Variants in B9D1 observed in about 807,000 individuals in gnomAD.
The protein encoded by B9D1 is B9 domain containing 1.
In B9D1, 20 loss-of-function variants were observed where a neutral mutation model predicts 26.1. That is an observed-to-expected ratio of 0.77 (90% confidence interval 0.54 to 1.12). The LOEUF is 1.12. Ranked by LOEUF, B9D1 falls within the 50% of genes most tolerant of loss-of-function variation. The pLI, the probability that B9D1 is intolerant of heterozygous loss-of-function variation, is 0.00. For missense variants in B9D1, 260 were observed against 273.7 expected, an observed-to-expected ratio of 0.95 and a Z score of 0.35; for synonymous variants, 105 against 103.1, an observed-to-expected ratio of 1.02 and a Z score of -0.11.
chr17:19,361,411 C>CAT (rs1017897232), intron 1 of B9D1, among the ~76,000 whole-genome samples: 2 of 152,086 alleles, frequency 1.3e-5, no homozygotes, highest in African/African-American at 4.8e-5. Flanking sequence ...AGGAAGCCAT[C>CAT]ATATGCAAGG....
downstream of B9D1, chr17:19,341,387 C>T (rs995522497): frequency 4.3e-6 from 5 of 1,157,484 alleles, no homozygotes; most frequent in South Asian, 4.4e-5. Flanking sequence ...TGCTCTGTGT[C>T]GTCCCATGAC....
chr17:19,343,131 G>C (rs140933644), downstream of B9D1: 86 of 1,430,658 alleles, frequency 6.0e-5, no homozygotes, highest in East Asian at 5.0e-5. Context: ...CAGCTCCTGT[G>C]GGGGAGGGGC....
At chr17:19,367,134 G>A (rs3886478), upstream of B9D1, among the ~76,000 whole-genome samples, 126,664 of 151,946 alleles carry the variant, frequency 0.83, 53,826 homozygotes, top group Non-Finnish European at 0.93. Flanking sequence ...TGCCAGTGAC[G>A]GTAGATAAAG....
chr17:19,340,661 G>A (rs536394273), downstream of B9D1, among the ~76,000 whole-genome samples: 1 of 151,504 alleles, frequency 6.6e-6, no homozygotes, highest in East Asian at 2.0e-4. Context: ...AGTGGCAGGT[G>A]CCTGTAATTT....
intron 1 of B9D1, among the ~76,000 whole-genome samples, chr17:19,369,379 G>A (rs889817829): frequency 1.3e-5 from 2 of 152,182 alleles, no homozygotes; most frequent in Admixed American, 6.5e-5. Context: ...GGTAGCTTGC[G>A]ATCAGCCACG....
At chr17:19,377,027 G>A (rs1006214471) in intron 1 of B9D1, among the ~76,000 whole-genome samples, 2 of 152,186 alleles carry the variant, frequency 1.3e-5, no homozygotes, top group Middle Eastern at 3.2e-3. Flanking sequence ...CCCCAAAGGA[G>A]ACAAATGGCC....
chr17:19,373,897 C>T (rs1408327692), intron 1 of B9D1, among the ~76,000 whole-genome samples: 3 of 152,170 alleles, frequency 2.0e-5, no homozygotes, highest in Non-Finnish European at 4.4e-5. Flanking sequence ...CCAGAAATAC[C>T]TTTCAGGAAG....
intron 5 of B9D1, chr17:19,344,524 C>A: frequency 3.7e-6 from 1 of 272,396 alleles, no homozygotes; most frequent in Non-Finnish European, 7.7e-6. Flanking sequence ...CACACCCACG[C>A]GAGCCGGAAA....
chr17:19,377,703 A>C, intron 1 of B9D1: 1 of 318,728 alleles, frequency 3.1e-6, no homozygotes, highest in Non-Finnish European at 4.5e-6. Flanking sequence ...AAACTATCGG[A>C]TTTTGGGGTG....
intron 3 of B9D1, among the ~76,000 whole-genome samples, chr17:19,355,758 C>A (rs1567898093): frequency 6.6e-6 from 1 of 152,000 alleles, no homozygotes; most frequent in African/African-American, 2.4e-5. Context: ...GGCATGAACC[C>A]AGGAGGCAGA....
At position 19,349,096 on chromosome 17, in the gene B9D1, G is replaced by A. The variant is rs1158105133; in HGVS notation, c.245-1216C>T. On this transcript the variant is annotated intron_variant, in intron 3 of 6. Transcript: ENST00000261499. ...AAGGTAACACCAAGCTGCCAGCATG[G>A]TCCTATCAGCCAGCACTCCCCCAGC... Among the ~76,000 whole-genome samples, 6 of 152,138 alleles carry A rather than the reference G, an allele frequency of 3.9e-5. No individual in the cohort carries two copies. In the East Asian group the frequency reaches 9.6e-4, roughly 24 times the overall value.
At position 19,372,955 on chromosome 17, in the gene B9D1, A is replaced by G. The variant is rs1224614860; in HGVS notation, c.-298+4904T>C. Among the ~76,000 whole-genome samples, 2 of 152,048 alleles carry G rather than the reference A, an allele frequency of 1.3e-5. No individual in the cohort carries two copies. Among genetic ancestry groups the G allele is most frequent in the African/African-American group, 4.8e-5 (2 of 41,390 alleles). On this transcript the variant is annotated intron_variant, in intron 1 of 5. Coordinates refer to the B9D1 transcript ENST00000477478. This position sits in a 1 kb window ranked among gnomAD's most constrained non-coding sequence, Gnocchi z 4.4. ...ACCCACGTCCATCCACCTTCCTGAA[A>G]ACTCAGGTTTCCTGTGGGGAAATGG...
intron 1 of B9D1, among the ~76,000 whole-genome samples, chr17:19,375,697 G>A (rs553062965): frequency 1.2e-3 from 178 of 152,294 alleles, no homozygotes; most frequent in Non-Finnish European, 2.1e-4. Flanking sequence ...AGCCGAGATC[G>A]TGCCAGTGCA....
rs1247608563 is a variant in B9D1 at position 19,347,211 on chromosome 17, G to A, written c.404+58C>T. Reference sequence around the variant, plus strand: ...CCAGGCACAAACTGAGGGGTAGAATGGGACATCCATTCATCCAGTAGATCA... The same window carrying A: ...CCAGGCACAAACTGAGGGGTAGAATAGGACATCCATTCATCCAGTAGATCA... On this transcript the variant is annotated intron_variant, in intron 5 of 6. Transcript: ENST00000261499. The surrounding 1 kb of genome is among the most constrained non-coding windows in gnomAD (Gnocchi z 4.3). 6 of 1,614,208 alleles carry A rather than the reference G, an allele frequency of 3.7e-6. No homozygotes were observed. Among genetic ancestry groups the A allele is most frequent in the Non-Finnish European group, 4.2e-6 (5 of 1,180,020 alleles).
At chr17:19,364,146 C>T (rs181806045), upstream of B9D1, among the ~76,000 whole-genome samples, 21 of 152,298 alleles carry the variant, frequency 1.4e-4, no homozygotes, top group Admixed American at 1.1e-3. This position sits in a 1 kb window ranked among gnomAD's most constrained non-coding sequence, Gnocchi z 4.3. Context: ...TTGTAGTTAT[C>T]GAATAACTGG....
chr17:19,350,658 T>G (rs1598065099), intron 3 of B9D1, among the ~76,000 whole-genome samples: 1 of 151,946 alleles, frequency 6.6e-6, no homozygotes, highest in African/African-American at 2.4e-5. Flanking sequence ...GAGGCCGAGG[T>G]TGCAGAAAAA....
chr17:19,362,885 C>CGCAGGGAGTGTGTGTTCACTCTGA (rs1911328654), upstream of B9D1: 4 of 502,006 alleles, frequency 8.0e-6, no homozygotes, highest in South Asian at 7.5e-5. Flanking sequence ...CAGTTGCACG[C>CGCAGGGAGTGTGTGTTCACTCTGA]GCAGGGAGTG....
downstream of B9D1, among the ~76,000 whole-genome samples, chr17:19,342,524 G>A (rs966160775): frequency 1.3e-5 from 2 of 152,048 alleles, no homozygotes; most frequent in South Asian, 2.1e-4. Context: ...GGGCTGCCTC[G>A]TGAGGTGCGA....
At chr17:19,352,383 C>G (rs58520309) in intron 3 of B9D1, among the ~76,000 whole-genome samples, 1 of 150,946 alleles carries the variant, frequency 6.6e-6, no homozygotes, top group African/African-American at 2.4e-5. Flanking sequence ...TTCACTCTTT[C>G]GCCCAGACCG....
Sources: gnomAD v4.1 joint callset for allele counts (sites outside exome capture counted in the v4.1 genomes callset) on GRCh38, gnomAD v4.1.1 for gene constraint, Gnocchi (gnomAD v3.1) non-coding constraint, MANE v1.5 for transcripts, NCBI Gene and HGNC (gene_info 2026-07-23, HGNC 2026-07-21) for gene names.